Variants in EBF4 observed in about 807,000 individuals in gnomAD.
EBF4 encodes the protein EBF transcription factor 4.
EBF4 carries 34 observed loss-of-function variants against 67.1 expected under a neutral mutation model. The observed-to-expected ratio is 0.51, with a 90% CI of 0.39 to 0.67. The LOEUF (loss-of-function observed/expected upper bound fraction) is 0.67. Ranked by LOEUF, EBF4 falls within the 30% of genes least tolerant of loss-of-function variation. EBF4 has a pLI of 0.00. For synonymous variants in EBF4, 387 were observed against 377.7 expected (o/e 1.02, Z -0.29); for missense variants, 837 against 873.3 (o/e 0.96, Z 0.52).
At chr20:2,741,819 A>T (rs892174751) in intron 6 of EBF4, among the ~76,000 whole-genome samples, 20 of 152,174 alleles carry the variant, frequency 1.3e-4, no homozygotes, top group African/African-American at 4.1e-4. Context: ...GAGAATGTGG[A>T]ATACAGGCAG....
intron 5 of EBF4, among the ~76,000 whole-genome samples, chr20:2,708,639 C>T (rs1220749554): frequency 6.6e-6 from 1 of 152,124 alleles, no homozygotes; most frequent in East Asian, 1.9e-4. Context: ...AAGGCTGAGG[C>T]ATGAGCGCAG....
At chr20:2,754,104 T>C (rs1228698761) in intron 14 of EBF4, among the ~76,000 whole-genome samples, 1 of 152,166 alleles carries the variant, frequency 6.6e-6, no homozygotes, top group Non-Finnish European at 1.5e-5. Context: ...CTAGAGCTGC[T>C]TAAACCCAGC....
chr20:2,735,418 T>C (rs1488753740), intron 6 of EBF4, among the ~76,000 whole-genome samples: 1 of 152,230 alleles, frequency 6.6e-6, no homozygotes, highest in African/African-American at 2.4e-5. Context: ...TCTGTTCTTA[T>C]TACAACTCAG....
intron 14 of EBF4, among the ~76,000 whole-genome samples, chr20:2,752,976 T>G (rs2088180930): frequency 6.6e-6 from 1 of 152,108 alleles, no homozygotes; most frequent in South Asian, 2.1e-4. Context: ...GGAAGCCGGC[T>G]TCCAGCCGCC....
intron 6 of EBF4, among the ~76,000 whole-genome samples, chr20:2,735,776 CTG>C (rs1169569216): frequency 2.0e-5 from 3 of 152,118 alleles, no homozygotes; most frequent in African/African-American, 7.2e-5. Context: ...TCCCTGCCCT[CTG>C]AGAGCTTACA....
chr20:2,752,253 GC>G lies in EBF4; in HGVS notation c.1344del (p.Glu449SerfsTer98). 7.8e-7 allele frequency: 1 copy of G among 1,275,190 alleles called. No individual in the cohort carries two copies. 79.0% of individuals were successfully genotyped at this position (1,275,190 alleles called of 1,614,324 possible). A position where few individuals can be genotyped will look rare whatever the true frequency, so the allele number is the denominator to read the frequency against. On this transcript the variant is annotated frameshift_variant, in exon 13 of 17. Coordinates refer to ENST00000609451, the Ensembl canonical transcript of EBF4. LOFTEE classifies it high-confidence loss of function. ...TCGCCGTCGGGGACGCCACCCCGGGGCCCGAGCCGGGTGCGTGGGCCGCGCC... is the reference window on the plus strand; with the variant it reads ...TCGCCGTCGGGGACGCCACCCCGGGGCCGAGCCGGGTGCGTGGGCCGCGCC...
At chr20:2,754,514 T>C (rs1313165806) in intron 14 of EBF4, among the ~76,000 whole-genome samples, 4 of 152,172 alleles carry the variant, frequency 2.6e-5, no homozygotes, top group African/African-American at 9.7e-5. Context: ...GTAACTGTTG[T>C]CTTAAAGGAG....
intron 6 of EBF4, among the ~76,000 whole-genome samples, chr20:2,720,330 T>C (rs1382639818): frequency 6.6e-6 from 1 of 152,134 alleles, no homozygotes; most frequent in Admixed American, 6.5e-5. Context: ...ACTCCTGATC[T>C]CATGATCCCC....
In EBF4 at chr20:2,719,298, G is replaced by A. The variant is rs550534711; in HGVS notation, c.557+9656G>A. 8.6e-5 allele frequency among the ~76,000 whole-genome samples: 13 copies of A among 151,536 alleles called. No homozygotes were observed. The South Asian group carries it at 1.5e-3, about 17-fold the overall frequency. The stretch of plus-strand genomic sequence containing the variant: ...TGTATTTGTTTGTTTGTTTTGAGAC[G>A]GAGTCTTGCTCTATTGCCCAAGCTG... On this transcript the variant is annotated intron_variant, in intron 6 of 16. Transcript: ENST00000609451.
At chr20:2,730,324 A>G (rs2087797020) in intron 6 of EBF4, among the ~76,000 whole-genome samples, 1 of 152,100 alleles carries the variant, frequency 6.6e-6, no homozygotes, top group Non-Finnish European at 1.5e-5. Context: ...CTGTGGCGGC[A>G]TCACTCCAAT....
chr20:2,716,119 G>A (rs887257610), intron 6 of EBF4, among the ~76,000 whole-genome samples: 1 of 151,746 alleles, frequency 6.6e-6, no homozygotes, highest in Non-Finnish European at 1.5e-5. Context: ...GTTACTCAGA[G>A]GTTGAGGTGG....
intron 6 of EBF4, among the ~76,000 whole-genome samples, chr20:2,711,753 G>A (rs1424076419): frequency 6.6e-6 from 1 of 152,146 alleles, no homozygotes; most frequent in Non-Finnish European, 1.5e-5. Context: ...AGGGGAAATA[G>A]ACATTAACAA....
At chr20:2,742,446 T>C (rs1368829534) in intron 6 of EBF4, among the ~76,000 whole-genome samples, 1 of 152,224 alleles carries the variant, frequency 6.6e-6, no homozygotes, top group Non-Finnish European at 1.5e-5. Flanking sequence ...ACCTCCCTAA[T>C]GCATTTCATT....
In EBF4 at chr20:2,749,629, C is replaced by T; in HGVS notation, c.767C>T (p.Pro256Leu). 6.4e-7 allele frequency: 1 copy of T among 1,559,428 alleles called. No homozygotes were observed. Among genetic ancestry groups the T allele is most frequent in the Non-Finnish European group, 8.7e-7 (1 of 1,152,344 alleles). Residue 256 changes from proline (P) to leucine (L), a missense_variant, in exon 9 of 17, where the codon CCC (proline) becomes CTC (leucine). This residue lies in a region of EBF4 where 226 missense variants were observed against 306.5 expected (regional missense o/e 0.74). Coordinates refer to ENST00000609451, the Ensembl canonical transcript of EBF4. ...CTCTCCTGCCTCCCAGCTGCCACCC[C>T]CTGCATCAAGGCCATCAGCCCCGGG...
chr20:2,702,201 A>T (rs890036985), intron 1 of EBF4, among the ~76,000 whole-genome samples: 2 of 152,236 alleles, frequency 1.3e-5, no homozygotes, highest in African/African-American at 4.8e-5. Flanking sequence ...TGGGAGGCCA[A>T]GGCAGGAGGA....
In EBF4 at chr20:2,693,656, C is replaced by G. The variant is rs767935388; in HGVS notation, c.11C>G (p.Ala4Gly). The G allele has an allele frequency of 7.8e-5, 113 of 1,445,508 alleles. 1 individual carries two copies. The highest frequency in any genetic ancestry group is 1.7e-5 in the Non-Finnish European group (19 of 1,106,188). The allele number at this position is 1,445,508 out of a possible 1,614,324, so 89.5% of individuals were successfully genotyped here. A position where few individuals can be genotyped will look rare whatever the true frequency, so the allele number is the denominator to read the frequency against. ...TCACCGCGCGCCCTCATGTTCCCTG[C>G]GCAGGACGCTCTGCCCCGCAGCGGG... The change falls in exon 1 of 17, where the codon GCG becomes GGG. Residue 4 changes from alanine (A) to glycine (G), a missense_variant. Physicochemically the swap from Ala to Gly is moderately conservative, Grantham distance 60. This residue lies in a region of EBF4 where 86 missense variants were observed against 70.3 expected (regional missense o/e 1.22). Transcript: ENST00000609451. This position sits in a 1 kb window ranked among gnomAD's most constrained non-coding sequence, Gnocchi z 4.6.
At chr20:2,732,391 G>A (rs1468814822) in intron 6 of EBF4, among the ~76,000 whole-genome samples, 1 of 152,180 alleles carries the variant, frequency 6.6e-6, no homozygotes, top group Non-Finnish European at 1.5e-5. Flanking sequence ...CAACATGCGG[G>A]GGTTATGGGC....
At chr20:2,714,433 C>A (rs939657227) in intron 6 of EBF4, among the ~76,000 whole-genome samples, 2 of 151,876 alleles carry the variant, frequency 1.3e-5, no homozygotes, top group Non-Finnish European at 2.9e-5. Context: ...GCTCACTGCA[C>A]CTCGACCTCC....
At chr20:2,700,037 A>G (rs1458079662) in intron 1 of EBF4, among the ~76,000 whole-genome samples, 1 of 152,232 alleles carries the variant, frequency 6.6e-6, no homozygotes, top group Non-Finnish European at 1.5e-5. Context: ...GTACCTGAGA[A>G]GTAACAGCCG....
Sources: allele counts gnomAD v4.1 joint callset (sites outside exome capture counted in the v4.1 genomes callset), GRCh38; gene constraint gnomAD v4.1.1; regional missense constraint gnomAD v4.1.1; non-coding constraint Gnocchi (gnomAD v3.1); transcripts MANE v1.5; gene names NCBI Gene and HGNC (gene_info 2026-07-23, HGNC 2026-07-21).